RUBCN: variants seen among roughly 807,000 people sequenced by gnomAD.
RUBCN encodes the protein run domain Beclin-1-interacting and cysteine-rich domain-containing protein.
A neutral mutation model predicts 113.2 loss-of-function variants in RUBCN; 74 were observed. The ratio of observed to expected loss-of-function variants is 0.65; its 90% CI spans 0.54 to 0.79. The LOEUF (loss-of-function observed/expected upper bound fraction) is 0.79. RUBCN is among the 30% of genes least tolerant of loss of function. The probability of loss-of-function intolerance (pLI) is 0.00; values close to 1 mark genes in which losing one functional copy is unlikely to be tolerated. For synonymous variants in RUBCN, 480 were observed against 490.0 expected, an observed-to-expected ratio of 0.98 and a Z score of 0.27; for missense variants, 1,109 against 1,251.7, an observed-to-expected ratio of 0.89 and a Z score of 1.72.
chr3:197,749,442 A>G, exon 1 of RUBCN: 1 of 1,242,854 alleles, frequency 8.0e-7, no homozygotes, highest in Non-Finnish European at 1.0e-6. Context: ...GCGGCAGCTC[A>G]GCGCAGCTGT....
At chr3:197,676,179 A>C in intron 18 of RUBCN, 1 of 990,406 alleles carries the variant, frequency 1.0e-6, no homozygotes, top group East Asian at 1.1e-4. Context: ...AAAGTAAATT[A>C]TTCTCTTCAT....
chr3:197,729,411 C>T (rs1479726036), intron 1 of RUBCN, among the ~76,000 whole-genome samples: 1 of 151,832 alleles, frequency 6.6e-6, no homozygotes, highest in Non-Finnish European at 1.5e-5. Context: ...CGCCACCACG[C>T]CCGGCTAATT....
chr3:197,727,276 G>C (rs1199299721), intron 1 of RUBCN, among the ~76,000 whole-genome samples: 2 of 152,148 alleles, frequency 1.3e-5, no homozygotes, highest in Admixed American at 1.3e-4. Context: ...TTAAACTCTT[G>C]AAGCTTCAAT....
chr3:197,747,401 T>A, intron 1 of RUBCN, among the ~76,000 whole-genome samples: 1 of 151,906 alleles, frequency 6.6e-6, no homozygotes. Context: ...TTTTTTTTTT[T>A]TTTAAGACAG....
Position 197,675,304 on chromosome 3 carries a change from CT to C in RUBCN, c.2741-109del, listed in dbSNP as rs1720246443. ...TCTCGCCACCAAGGCGTGGTGTCCC[CT>C]GGGGAGGCCCCGCGAGGTGCTGAGT... On this transcript the variant is annotated intron_variant, in intron 19 of 19. Transcript: ENST00000296343. This position sits in a 1 kb window ranked among gnomAD's most constrained non-coding sequence, Gnocchi z 4.4. 6.6e-7 allele frequency: 1 copy of C among 1,526,524 alleles called. No homozygotes were observed. The highest frequency in any genetic ancestry group is 1.4e-5 in the African/African-American group (1 of 72,946). The allele number at this position is 1,526,524 out of a possible 1,614,324, so 94.6% of individuals were successfully genotyped here.
At chr3:197,722,977 A>G (rs1335216601) in intron 1 of RUBCN, among the ~76,000 whole-genome samples, 1 of 152,068 alleles carries the variant, frequency 6.6e-6, no homozygotes, top group Non-Finnish European at 1.5e-5. Context: ...ATTATCGATA[A>G]GTAAGGTCTG....
chr3:197,736,017 G>A (rs568261542), intron 1 of RUBCN, among the ~76,000 whole-genome samples: 3 of 152,322 alleles, frequency 2.0e-5, no homozygotes, highest in Non-Finnish European at 4.4e-5. Flanking sequence ...GTTTGAAGAC[G>A]AAAAGGAAAT....
rs754514237 is a variant in RUBCN at position 197,677,008 on chromosome 3, G to C, written c.2523C>G (p.Gly841=). 1 of 1,613,918 alleles carries C rather than the reference G, an allele frequency of 6.2e-7. No individual in the cohort carries two copies. The highest frequency in any genetic ancestry group is 1.1e-5 in the South Asian group (1 of 91,062). ...ACAGGTGGAGGTCCTCTGTCAGGTG[G>C]CCTGGGACTGTGTCAAAGGAATCCA... ...ELLDSFDTVP[G]HLTEDLHLYS... is the part of the protein sequence containing the mutation. Residue 841 remains glycine (G), a synonymous_variant, in exon 18 of 20, where the codon GGC becomes GGG. Coordinates refer to ENST00000296343, the MANE Select transcript of RUBCN (RefSeq NM_014687.4).
Position 197,675,237 on chromosome 3 carries a change from T to A in RUBCN, c.2741-41A>T. On this transcript the variant is annotated intron_variant, in intron 19 of 19. Transcript: ENST00000296343. The surrounding 1 kb of genome is among the most constrained non-coding windows in gnomAD (Gnocchi z 4.4). ...AGGTGGGGGAGAGAAGAAAACAATTTGTATTATCTCCAGCTAGAGGTCAGT... is the reference window on the plus strand; with the variant it reads ...AGGTGGGGGAGAGAAGAAAACAATTAGTATTATCTCCAGCTAGAGGTCAGT... The A allele has an allele frequency of 6.2e-7, 1 of 1,608,952 alleles. No individual in the cohort carries two copies. The highest frequency in any genetic ancestry group is 8.5e-7 in the Non-Finnish European group (1 of 1,175,570).
At chr3:197,684,245 C>G (rs757032278) in intron 11 of RUBCN, 28 bp from the exon 12 acceptor site, 1 of 1,596,138 alleles carries the variant, frequency 6.3e-7, no homozygotes, top group African/African-American at 1.3e-5. Flanking sequence ...ATAAGGGGAG[C>G]GCAATGGAAA....
chr3:197,700,729 C>A lies in RUBCN; in HGVS notation c.1145G>T (p.Ser382Ile), dbSNP rs375726824. 65 of 1,614,090 alleles carry A rather than the reference C, an allele frequency of 4.0e-5. No homozygotes were observed. Among genetic ancestry groups the A allele is most frequent in the Non-Finnish European group, 4.8e-5 (57 of 1,180,050 alleles). ...TGAGAAGCTGGACCTGCGGAGGACA[C>A]TGGACAGCTGGCTCTCCCCACCTCC... ...QEGGGESQLS[S>I]VLRRSSFSEG... The change falls in exon 7 of 20, where the codon AGT becomes ATT. Residue 382 changes from serine (S) to isoleucine (I), a missense_variant. Transcript: ENST00000296343.
At chr3:197,717,453 A>G (rs1354259429) in intron 2 of RUBCN, among the ~76,000 whole-genome samples, 2 of 151,504 alleles carry the variant, frequency 1.3e-5, no homozygotes, top group South Asian at 2.1e-4. Flanking sequence ...CAAAAAAAAA[A>G]AGGGGGGGGC....
intron 2 of RUBCN, among the ~76,000 whole-genome samples, chr3:197,709,254 G>A (rs1340192568): frequency 3.3e-5 from 5 of 152,156 alleles, no homozygotes; most frequent in Admixed American, 3.3e-4. Context: ...ATGGTGTGGA[G>A]TTCACAGAGT....
Position 197,683,696 on chromosome 3 carries a change from A to G in RUBCN, c.1848-257T>C, listed in dbSNP as rs1403071068. Among the ~76,000 whole-genome samples the G allele has an allele frequency of 6.6e-6, 1 of 152,132 alleles. No homozygotes were observed. The highest frequency in any genetic ancestry group is 1.5e-5 in the Non-Finnish European group (1 of 68,026). On this transcript the variant is annotated intron_variant, in intron 12 of 19. Transcript: ENST00000296343. This position sits in a 1 kb window ranked among gnomAD's most constrained non-coding sequence, Gnocchi z 4.6. ...GGACTCTGTCACTTCCTTTCTCTGAACTTCAGCTCCTCTAACAGCAAAATG... is the reference window on the plus strand; with the variant it reads ...GGACTCTGTCACTTCCTTTCTCTGAGCTTCAGCTCCTCTAACAGCAAAATG...
At chr3:197,701,298 G>A (rs1203198039) in intron 6 of RUBCN, 152 bp from the exon 7 acceptor site, 2 of 686,042 alleles carry the variant, frequency 2.9e-6, no homozygotes, top group African/African-American at 3.6e-5. Flanking sequence ...TAAGTCAAGA[G>A]TATGGGCTCC....
chr3:197,677,222 T>A (rs1053842672), intron 17 of RUBCN, among the ~76,000 whole-genome samples, 184 bp from the exon 18 acceptor site: 4 of 152,172 alleles, frequency 2.6e-5, no homozygotes, highest in Admixed American at 6.5e-5. Flanking sequence ...AGTGACTGAT[T>A]TATAGGCTCC....
intron 1 of RUBCN, among the ~76,000 whole-genome samples, chr3:197,729,340 C>A (rs1302540304): frequency 6.6e-6 from 1 of 152,084 alleles, no homozygotes; most frequent in East Asian, 2.0e-4. Context: ...ACAAGTTCTG[C>A]CTCCCGGGCT....
upstream of RUBCN, among the ~76,000 whole-genome samples, chr3:197,738,416 C>A (rs1728344494): frequency 6.6e-6 from 1 of 152,126 alleles, no homozygotes; most frequent in Non-Finnish European, 1.5e-5. Flanking sequence ...TCAAACTTGA[C>A]AAAAGTGTTT....
Position 197,669,635 on chromosome 3 carries a change from T to G in RUBCN, c.*5383A>C, listed in dbSNP as rs566449146. ...AGCTCTCTCTACTCTAAAGTTGCTATTTTCCTCTTTCTATATCCTTTTATT... is the reference window on the plus strand; with the variant it reads ...AGCTCTCTCTACTCTAAAGTTGCTAGTTTCCTCTTTCTATATCCTTTTATT... On this transcript the variant is annotated 3_prime_UTR_variant, in exon 20 of 20. Coordinates refer to ENST00000296343, the MANE Select transcript of RUBCN (RefSeq NM_014687.4). 3.3e-5 allele frequency among the ~76,000 whole-genome samples: 5 copies of G among 152,310 alleles called. No homozygotes were observed. The highest frequency in any genetic ancestry group is 6.8e-3 in the Middle Eastern group (2 of 294).
Sources: gnomAD v4.1 joint callset for allele counts (sites outside exome capture counted in the v4.1 genomes callset) on GRCh38, gnomAD v4.1.1 for gene constraint, Gnocchi (gnomAD v3.1) non-coding constraint, MANE v1.5 for transcripts, NCBI Gene and HGNC (gene_info 2026-07-23, HGNC 2026-07-21) for gene names.